LRRC49: variants seen among roughly 807,000 people sequenced by gnomAD.
LRRC49 encodes leucine-rich repeat-containing protein 49.
LRRC49 carries 50 observed loss-of-function variants against 83.3 expected under a neutral mutation model. The observed-to-expected ratio is 0.60, with a 90% CI of 0.48 to 0.76. The LOEUF (loss-of-function observed/expected upper bound fraction) is 0.76, where lower values mean the gene tolerates loss of function less well. LRRC49 is among the 30% of genes least tolerant of loss of function. LRRC49 has a pLI of 0.00. For missense variants in LRRC49, 704 were observed against 809.1 expected, an observed-to-expected ratio of 0.87 and a Z score of 1.58; for synonymous variants, 286 against 283.3, an observed-to-expected ratio of 1.01 and a Z score of -0.10.
intron 2 of LRRC49, among the ~76,000 whole-genome samples, chr15:70,884,066 G>A (rs774924050): frequency 4.6e-5 from 7 of 151,996 alleles, no homozygotes; most frequent in Non-Finnish European, 1.0e-4. Context: ...TGTGGAAGAC[G>A]GTAAGAAAAG....
rs767081330 is a variant in LRRC49, at chr15:71,009,855, G to A, written c.1456G>A (p.Ala486Thr). ...TNLVMLQQFN[A>T]LAQLRRIDQL... ...TCTTGTAATGCTGCAGCAATTTAAC[G>A]CACTAGCCCAACTCCGTCGTATTGA... Residue 486 changes from alanine to threonine, a missense_variant, in exon 13 of 16, where the codon GCA (alanine) becomes ACA (threonine). By Grantham distance (58) the Ala-to-Thr change is moderately conservative. This residue lies in a region of LRRC49 where 275 missense variants were observed against 338.0 expected (regional missense o/e 0.81). Transcript: ENST00000260382. 7.4e-6 allele frequency: 12 copies of A among 1,612,026 alleles called. No homozygotes were observed. The highest frequency in any genetic ancestry group is 2.2e-5 in the East Asian group (1 of 44,808).
chr15:70,897,400 C>A (rs1595992678), intron 3 of LRRC49, among the ~76,000 whole-genome samples: 1 of 152,276 alleles, frequency 6.6e-6, no homozygotes, highest in South Asian at 2.1e-4. Flanking sequence ...AAATTGGTTT[C>A]TGTGACAGGA....
chr15:70,860,234 A>T (rs566483082), intron 1 of LRRC49: 7 of 618,338 alleles, frequency 1.1e-5, no homozygotes, highest in South Asian at 9.4e-5. Flanking sequence ...GCCGCTGTGC[A>T]TGGTATCACA....
At chr15:71,005,476 A>T (rs747879908) in intron 11 of LRRC49, among the ~76,000 whole-genome samples, 1 of 152,206 alleles carries the variant, frequency 6.6e-6, no homozygotes, top group Non-Finnish European at 1.5e-5. Context: ...TATCTGACAC[A>T]TAATAAATTC....
At chr15:70,921,427 G>T (rs1359961746) in intron 7 of LRRC49, among the ~76,000 whole-genome samples, 1 of 152,164 alleles carries the variant, frequency 6.6e-6, no homozygotes, top group East Asian at 1.9e-4. Context: ...TTAGCCAGAT[G>T]CTCTGTACAT....
At chr15:70,887,364 T>C (rs2033438064) in intron 2 of LRRC49, among the ~76,000 whole-genome samples, 1 of 152,112 alleles carries the variant, frequency 6.6e-6, no homozygotes, top group South Asian at 2.1e-4. Flanking sequence ...ACAAAAATCC[T>C]AAATATTTTA....
intron 8 of LRRC49, among the ~76,000 whole-genome samples, chr15:70,953,053 A>C (rs2036276387): frequency 6.6e-6 from 1 of 152,146 alleles, no homozygotes; most frequent in Non-Finnish European, 1.5e-5. Context: ...CTTGAAGACC[A>C]TAGTCAGTTG....
chr15:70,863,453 T>C (rs2032839719), intron 1 of LRRC49, among the ~76,000 whole-genome samples: 1 of 152,366 alleles, frequency 6.6e-6, no homozygotes, highest in South Asian at 2.1e-4. Flanking sequence ...TATTCTGGTC[T>C]AATAGAAGAC....
chr15:71,010,032 CCTT>C, intron 13 of LRRC49, 40 bp downstream of exon 13: 1 of 1,235,052 alleles, frequency 8.1e-7, no homozygotes, highest in Non-Finnish European at 1.1e-6. Flanking sequence ...TAAAAATATT[CCTT>C]CTTAGTGAAA....
chr15:70,963,178 A>G (rs1232720329), intron 8 of LRRC49, among the ~76,000 whole-genome samples: 2 of 150,690 alleles, frequency 1.3e-5, no homozygotes, highest in Non-Finnish European at 2.9e-5. Flanking sequence ...TGGGTTGCTC[A>G]GGTGGGAGGA....
At chr15:70,951,808 G>A (rs1294244846) in intron 8 of LRRC49, among the ~76,000 whole-genome samples, 4 of 152,098 alleles carry the variant, frequency 2.6e-5, no homozygotes, top group Non-Finnish European at 5.9e-5. Flanking sequence ...TTGAATAGGA[G>A]CAGTGAAAAT....
intron 11 of LRRC49, among the ~76,000 whole-genome samples, chr15:70,991,107 C>A (rs539629170): frequency 7.2e-5 from 11 of 152,208 alleles, no homozygotes; most frequent in African/African-American, 2.2e-4. Flanking sequence ...CTGAAAGTTA[C>A]TCCAGCTGTG....
chr15:70,867,032 G>A (rs1312694165), intron 1 of LRRC49, among the ~76,000 whole-genome samples: 4 of 146,646 alleles, frequency 2.7e-5, no homozygotes, highest in Non-Finnish European at 4.5e-5. Flanking sequence ...GAGAATTCAA[G>A]TGGAGGCTGA....
chr15:71,030,814 T>C (rs897079479), intron 14 of LRRC49, among the ~76,000 whole-genome samples: 1 of 151,978 alleles, frequency 6.6e-6, no homozygotes, highest in Admixed American at 6.6e-5. Flanking sequence ...GATTCAGCTA[T>C]TGATACTTAT....
At chr15:70,876,611 C>T (rs916949561) in intron 2 of LRRC49, among the ~76,000 whole-genome samples, 8 of 152,176 alleles carry the variant, frequency 5.3e-5, no homozygotes, top group African/African-American at 1.9e-4. Flanking sequence ...ACTAATAGTA[C>T]TGCCAGTTCT....
At chr15:71,019,220 G>A (rs187776768) in intron 14 of LRRC49, among the ~76,000 whole-genome samples, 1 of 152,202 alleles carries the variant, frequency 6.6e-6, no homozygotes, top group Admixed American at 6.5e-5. Flanking sequence ...TTGGGGATGG[G>A]GCTGGAGGTC....
At chr15:71,046,646 G>A (rs2039862512) in intron 15 of LRRC49, among the ~76,000 whole-genome samples, 1 of 152,116 alleles carries the variant, frequency 6.6e-6, no homozygotes. Context: ...CAATTCTGTA[G>A]GTTGTCTGTT....
At chr15:70,999,134 G>GT (rs2038174113) in intron 11 of LRRC49, among the ~76,000 whole-genome samples, 1 of 152,094 alleles carries the variant, frequency 6.6e-6, no homozygotes, top group Non-Finnish European at 1.5e-5. Flanking sequence ...TGACTTAAAA[G>GT]TTTTTGTCTA....
chr15:70,901,048 C>CT lies in LRRC49; in HGVS notation c.296+32dup, dbSNP rs768201534. On this transcript the variant is annotated intron_variant, in intron 4 of 15. Transcript: ENST00000260382. ...AGGTGAGGACAATTTCTTTTCTTTTCTTTTTTTTGACTAGGTAATACATAG... is the reference window on the plus strand; with the variant it reads ...AGGTGAGGACAATTTCTTTTCTTTTCTTTTTTTTTGACTAGGTAATACATAG... 193 of 1,449,092 alleles carry CT rather than the reference C, an allele frequency of 1.3e-4. No individual in the cohort carries two copies. In the African/African-American group the frequency reaches 1.7e-3, roughly 13 times the overall value. 89.8% of individuals were successfully genotyped at this position (1,449,092 alleles called of 1,614,324 possible).
Sources: gnomAD v4.1 joint callset for allele counts (sites outside exome capture counted in the v4.1 genomes callset) on GRCh38, gnomAD v4.1.1 for gene constraint, gnomAD v4.1.1 regional missense constraint, MANE v1.5 for transcripts, NCBI Gene and HGNC (gene_info 2026-07-23, HGNC 2026-07-21) for gene names.